Variants in TTLL8 observed in about 807,000 individuals in gnomAD.
TTLL8 encodes the protein tubulin tyrosine ligase like 8, also known as protein monoglycylase TTLL8.
TTLL8 carries 65 observed loss-of-function variants against 77.8 expected under a neutral mutation model. The observed-to-expected ratio is 0.84, with a 90% CI of 0.68 to 1.03. The LOEUF (loss-of-function observed/expected upper bound fraction) is 1.03, where lower values mean the gene tolerates loss of function less well. Ranked by LOEUF, TTLL8 falls within the 50% of genes least tolerant of loss-of-function variation. The pLI is 0.00. For missense variants in TTLL8, 910 were observed against 1,004.5 expected (o/e 0.91, Z 1.27); for synonymous variants, 402 against 422.8 (o/e 0.95, Z 0.60).
chr22:50,054,507 A>G, intron 1 of TTLL8: 1 of 172,788 alleles, frequency 5.8e-6, no homozygotes, highest in Middle Eastern at 2.6e-3. Context: ...TGAGGTGCAA[A>G]CCCCTCTGCA....
intron 8 of TTLL8, among the ~76,000 whole-genome samples, chr22:50,039,361 G>C (rs921026013): frequency 1.3e-5 from 2 of 152,056 alleles, no homozygotes; most frequent in Non-Finnish European, 2.9e-5. Flanking sequence ...TGTAATCCCA[G>C]CACTAACACG....
intron 12 of TTLL8, among the ~76,000 whole-genome samples, chr22:50,025,709 CAACCTAATTTTACAATAGGAAA>C (rs1408165543): frequency 1.3e-5 from 2 of 152,132 alleles, no homozygotes; most frequent in Non-Finnish European, 1.5e-5. Context: ...CAAAGGCAAG[CAACCTAATTTTACAATAGGAAA>C]AAGACTTAGT....
intron 12 of TTLL8, among the ~76,000 whole-genome samples, chr22:50,021,853 T>C (rs910795296): frequency 7.1e-6 from 1 of 140,832 alleles, no homozygotes; most frequent in Non-Finnish European, 1.5e-5. Flanking sequence ...CCATCTGATA[T>C]GCACTCCTCC....
exon 10 of TTLL8, chr22:50,033,341 G>C: frequency 7.3e-7 from 1 of 1,365,328 alleles, no homozygotes; most frequent in Non-Finnish European, 9.8e-7. Context: ...ATGAGCAGCG[G>C]CGTCTCGATG....
rs778338311 is a variant in TTLL8 at position 50,033,493 on chromosome 22, G to A, written c.1040-48C>T. 3.5e-5 allele frequency: 46 copies of A among 1,327,498 alleles called. No homozygotes were observed. In the East Asian group the frequency reaches 3.8e-4, roughly 11 times the overall value. 82.2% of individuals were successfully genotyped at this position (1,327,498 alleles called of 1,614,324 possible). On this transcript the variant is annotated intron_variant, in intron 9 of 13. Transcript: ENST00000266182. Reference sequence around the variant, plus strand: ...CCAGCATGCACAGCCACTGTGCAGCGGGACCTGAGCTCCTGAGCCCTGGGG... The same window carrying A: ...CCAGCATGCACAGCCACTGTGCAGCAGGACCTGAGCTCCTGAGCCCTGGGG...
intron 8 of TTLL8, among the ~76,000 whole-genome samples, chr22:50,039,200 T>C (rs890732089): frequency 3.9e-5 from 6 of 152,220 alleles, no homozygotes; most frequent in Non-Finnish European, 8.8e-5. Context: ...TCTTTCTCTG[T>C]TACTTGAAAG....
intron 6 of TTLL8, 90 bp downstream of exon 8, chr22:50,045,165 C>T (rs185699880): frequency 8.0e-7 from 1 of 1,257,200 alleles, no homozygotes; most frequent in South Asian, 1.3e-5. Flanking sequence ...CTGCAACCCT[C>T]AGGACTGACC....
At position 50,030,414 on chromosome 22, in the gene TTLL8, C is replaced by T. The variant is rs538155056; in HGVS notation, c.2203+16G>A. On this transcript the variant is annotated intron_variant, in intron 12 of 13. Coordinates refer to ENST00000266182, the Ensembl canonical transcript of TTLL8. ...GGCCCCCAAGCCCACAGCGCACCGC[C>T]GGCGGCGCAGGTTACCTTTTCCTCC... 7.7e-7 allele frequency: 1 copy of T among 1,305,806 alleles called. No homozygotes were observed. The highest frequency in any genetic ancestry group is 1.0e-6 in the Non-Finnish European group (1 of 1,002,106). The allele number at this position is 1,305,806 out of a possible 1,614,324, so 80.9% of individuals were successfully genotyped here. A position where few individuals can be genotyped will look rare whatever the true frequency, so the allele number is the denominator to read the frequency against.
chr22:50,048,252 T>C (rs1315958334), intron 3 of TTLL8, among the ~76,000 whole-genome samples: 2 of 152,016 alleles, frequency 1.3e-5, no homozygotes, highest in Non-Finnish European at 2.9e-5. Flanking sequence ...TGCCACCTGC[T>C]TCTGTCTGTC....
chr22:50,047,141 C>T (rs565020006), intron 4 of TTLL8, 27 bp downstream of exon 6: 38 of 1,366,356 alleles, frequency 2.8e-5, no homozygotes, highest in East Asian at 2.3e-4. Flanking sequence ...TGCCGGCTCC[C>T]GCCACGCTCA....
intron 1 of TTLL8, among the ~76,000 whole-genome samples, chr22:50,052,008 G>A (rs1569234698): frequency 2.6e-5 from 4 of 152,114 alleles, no homozygotes; most frequent in African/African-American, 9.7e-5. Flanking sequence ...GGAACCCTGA[G>A]TCTGAGTCCC....
chr22:50,045,300 C>G lies in TTLL8; in HGVS notation c.598G>C (p.Asp200His). The change falls in exon 6 of 14, where the codon GAC (aspartate) becomes CAC (histidine). Residue 200 changes from aspartate (D) to histidine (H), a missense_variant. Asp to His is a moderately conservative substitution (Grantham distance 81). Around this residue, in one of 2 missense-constraint regions of TTLL8, gnomAD observed 776 missense variants for 926.1 expected, o/e 0.84. Coordinates refer to ENST00000266182, the Ensembl canonical transcript of TTLL8. Reference sequence around the variant, plus strand: ...CTGCTCCCGGCCTCCTCCCTCTGGTCCCTGGGCTTGCTTCTGCTGCTCCTG... The same window carrying G: ...CTGCTCCCGGCCTCCTCCCTCTGGTGCCTGGGCTTGCTTCTGCTGCTCCTG... The G allele has an allele frequency of 2.9e-6, 4 of 1,363,182 alleles. 1 individual carries two copies. Among genetic ancestry groups the G allele is most frequent in the Middle Eastern group, 2.1e-4 (1 of 4,762 alleles). The allele number at this position is 1,363,182 out of a possible 1,614,324, so 84.4% of individuals were successfully genotyped here.
chr22:50,029,551 T>A (rs1389121409), intron 12 of TTLL8, among the ~76,000 whole-genome samples: 1 of 151,410 alleles, frequency 6.6e-6, no homozygotes, highest in African/African-American at 2.4e-5. Context: ...CCATCCTGAC[T>A]AACACGGTGA....
intron 4 of TTLL8, among the ~76,000 whole-genome samples, chr22:50,046,645 G>C (rs897158081): frequency 6.6e-6 from 1 of 152,226 alleles, no homozygotes; most frequent in African/African-American, 2.4e-5. Flanking sequence ...TGAGGCAGCC[G>C]CACCTGGCCT....
At chr22:50,040,576 G>A (rs2061364563) in intron 8 of TTLL8, among the ~76,000 whole-genome samples, 1 of 152,216 alleles carries the variant, frequency 6.6e-6, no homozygotes, top group South Asian at 2.1e-4. Flanking sequence ...TGTCTCAAGT[G>A]GGCTGTGGCT....
At chr22:50,027,710 C>T (rs1262012822) in intron 12 of TTLL8, 1 of 985,326 alleles carries the variant, frequency 1.0e-6, no homozygotes, top group Admixed American at 6.1e-5. Context: ...AGGCCTTTTG[C>T]AGCACAGGCT....
upstream of TTLL8, chr22:50,055,165 C>T: frequency 7.9e-7 from 1 of 1,260,040 alleles, no homozygotes; most frequent in South Asian, 1.3e-5. Flanking sequence ...TGGACAGATT[C>T]CAAGTTCCAA....
At chr22:50,031,424 T>C (rs79225508) in intron 11 of TTLL8, among the ~76,000 whole-genome samples, 4,132 of 152,316 alleles carry the variant, frequency 0.027, 75 homozygotes, top group Non-Finnish European at 0.044. Flanking sequence ...ACAGAGGCAC[T>C]GAGCCTGAGT....
rs984323009 is a variant in TTLL8, at chr22:50,027,754, G to A, written c.2203+2676C>T. 4.3e-5 allele frequency: 42 copies of A among 985,330 alleles called. No homozygotes were observed. The African/African-American group carries it at 4.5e-4, about 11-fold the overall frequency. The allele number at this position is 985,330 out of a possible 1,614,324, so 61.0% of individuals were successfully genotyped here. On this transcript the variant is annotated intron_variant, in intron 12 of 13. Transcript: ENST00000266182. Reference sequence around the variant, plus strand: ...AACGGTGCGGTTGCCTGACTGTCACGGAACAAACACACACCAGGCGAGCAC... The same window carrying A: ...AACGGTGCGGTTGCCTGACTGTCACAGAACAAACACACACCAGGCGAGCAC...
Sources: allele counts gnomAD v4.1 joint callset (sites outside exome capture counted in the v4.1 genomes callset), GRCh38; gene constraint gnomAD v4.1.1; regional missense constraint gnomAD v4.1.1; transcripts MANE v1.5; gene names NCBI Gene and HGNC (gene_info 2026-07-23, HGNC 2026-07-21).